The following FGGY variants were observed in gnomAD, a reference collection of about 807,000 sequenced individuals.
FGGY encodes FGGY carbohydrate kinase domain-containing protein.
Under a neutral mutation model 71.3 loss-of-function variants are expected in FGGY, and 72 were observed. The ratio of observed to expected loss-of-function variants is 1.01; its 90% CI spans 0.84 to 1.23. The LOEUF (loss-of-function observed/expected upper bound fraction) is 1.23, where lower values mean the gene tolerates loss of function less well. FGGY is among the 50% of genes most tolerant of loss of function. The pLI is 0.00. For missense variants in FGGY, 668 were observed against 682.3 expected (o/e 0.98, Z 0.23); for synonymous variants, 251 against 250.3 (o/e 1.00, Z -0.02).
intron 5 of FGGY, among the ~76,000 whole-genome samples, chr1:59,386,902 C>T (rs2060135995): frequency 6.6e-6 from 1 of 152,068 alleles, no homozygotes; most frequent in South Asian, 2.1e-4. Flanking sequence ...ACATATTCTA[C>T]TTACTCATTT....
chr1:59,568,568 C>A (rs1297186919), intron 8 of FGGY, among the ~76,000 whole-genome samples: 1 of 151,906 alleles, frequency 6.6e-6, no homozygotes, highest in Non-Finnish European at 1.5e-5. Flanking sequence ...TGAGGTTGAA[C>A]CAAAAAGTAT....
At chr1:59,427,444 T>A (rs193101806) in intron 5 of FGGY, among the ~76,000 whole-genome samples, 8 of 152,176 alleles carry the variant, frequency 5.3e-5, no homozygotes, top group Admixed American at 5.2e-4. Flanking sequence ...TAAGAGTTGG[T>A]TACCTTGCCG....
chr1:59,502,689 G>A (rs983924871), intron 6 of FGGY, among the ~76,000 whole-genome samples: 1 of 152,164 alleles, frequency 6.6e-6, no homozygotes, highest in African/African-American at 2.4e-5. Context: ...CGTGGAAGAA[G>A]CCTTCCTTGA....
chr1:59,456,163 C>T (rs1432907641), intron 5 of FGGY, among the ~76,000 whole-genome samples: 1 of 152,166 alleles, frequency 6.6e-6, no homozygotes, highest in Non-Finnish European at 1.5e-5. Context: ...ACCAATCTTG[C>T]CCTTAGCCAC....
chr1:59,609,808 G>T (rs1254739542), intron 9 of FGGY, among the ~76,000 whole-genome samples: 2 of 152,304 alleles, frequency 1.3e-5, no homozygotes, highest in East Asian at 3.9e-4. Flanking sequence ...TGGGTAGATG[G>T]ATTCAAAGGG....
chr1:59,698,960 C>G, intron 14 of FGGY: 1 of 985,288 alleles, frequency 1.0e-6, no homozygotes, highest in Non-Finnish European at 1.2e-6. Context: ...CCCCATTAAT[C>G]AAGCTGCCAA....
At chr1:59,313,237 A>G (rs2044701904) in intron 1 of FGGY, among the ~76,000 whole-genome samples, 1 of 152,122 alleles carries the variant, frequency 6.6e-6, no homozygotes, top group South Asian at 2.1e-4. Context: ...TCATCTCCCA[A>G]AGGTCCCACT....
rs945301840 is a variant in FGGY, at chr1:59,570,104, G to A, written c.903+15877G>A. On this transcript the variant is annotated intron_variant, in intron 8 of 15. Transcript: ENST00000303721. ...GTGCACAAAATATACCTGGGTAACT[G>A]TTTTAAAAATGCAATTCCTCAGGCC... Among the ~76,000 whole-genome samples the A allele has an allele frequency of 3.9e-5, 6 of 152,244 alleles. No homozygotes were observed. In the South Asian group the frequency reaches 6.2e-4, roughly 16 times the overall value.
intron 7 of FGGY, among the ~76,000 whole-genome samples, chr1:59,522,068 T>C (rs2094848802): frequency 6.6e-6 from 1 of 152,240 alleles, no homozygotes; most frequent in African/African-American, 2.4e-5. Context: ...ACCTATGCTG[T>C]GCCAAGTGTT....
At chr1:59,471,564 C>T (rs1439787145) in intron 6 of FGGY, among the ~76,000 whole-genome samples, 1 of 152,176 alleles carries the variant, frequency 6.6e-6, no homozygotes, top group African/African-American at 2.4e-5. Flanking sequence ...TACCTATCCT[C>T]TGAGTATTGA....
Position 59,339,969 on chromosome 1 carries a change from A to T in FGGY, c.213A>T (p.Gln71His). 2 of 1,609,308 alleles carry T rather than the reference A, an allele frequency of 1.2e-6. No homozygotes were observed. Among genetic ancestry groups the T allele is most frequent in the Non-Finnish European group, 1.7e-6 (2 of 1,176,422 alleles). ...ACCVVTKKVV[Q>H]GIDLNQIRGL... is the part of the protein sequence containing the mutation. ...TGTTTTTAAAACAGAAAGTTGTACA[A>T]GGGATTGATTTAAACCAAATTCGAG... The change falls in exon 3 of 16, where the codon CAA becomes CAT. Residue 71 changes from glutamine to histidine, a missense_variant. Gln to His is a conservative substitution (Grantham distance 24, BLOSUM62 0). This residue lies in a region of FGGY where 661 missense variants were observed against 661.6 expected (regional missense o/e 1.00). Transcript: ENST00000303721.
chr1:59,608,180 T>C (rs115914615), intron 9 of FGGY, among the ~76,000 whole-genome samples: 1 of 152,330 alleles, frequency 6.6e-6, no homozygotes, highest in African/African-American at 2.4e-5. Flanking sequence ...ATGAGAATGA[T>C]ATTCTACTTA....
intron 7 of FGGY, among the ~76,000 whole-genome samples, chr1:59,535,707 C>A (rs1324836985): frequency 6.7e-6 from 1 of 149,478 alleles, no homozygotes; most frequent in African/African-American, 2.5e-5. Flanking sequence ...TACATGGAAA[C>A]TGAACAACCT....
chr1:59,411,127 A>G (rs1413332553), intron 5 of FGGY, among the ~76,000 whole-genome samples: 2 of 152,202 alleles, frequency 1.3e-5, no homozygotes, highest in Admixed American at 6.5e-5. Context: ...CAATACATTT[A>G]CTAGTCATAT....
chr1:59,443,348 T>C (rs1220082316), intron 5 of FGGY, among the ~76,000 whole-genome samples: 1 of 152,158 alleles, frequency 6.6e-6, no homozygotes, highest in Non-Finnish European at 1.5e-5. Flanking sequence ...TTCAGTCTGC[T>C]CTCTTTCATC....
Position 59,564,126 on chromosome 1 carries a change from A to G in FGGY, c.903+9899A>G, listed in dbSNP as rs546392508. ...AGGCAGTACCATTCAGGATGTAGGC[A>G]TGGACAAAGACTTCATGACTAAAAC... On this transcript the variant is annotated intron_variant, in intron 8 of 15. Coordinates refer to ENST00000303721, the MANE Select transcript of FGGY (RefSeq NM_018291.5). Among the ~76,000 whole-genome samples the G allele has an allele frequency of 2.6e-5, 4 of 152,352 alleles. 1 individual carries two copies. In the South Asian group the frequency reaches 8.3e-4, roughly 32 times the overall value.
At chr1:59,308,781 A>G (rs1445282369) in intron 1 of FGGY, among the ~76,000 whole-genome samples, 7 of 152,228 alleles carry the variant, frequency 4.6e-5, no homozygotes, top group Non-Finnish European at 1.0e-4. Flanking sequence ...TATTGCATGA[A>G]GAAAATAGAG....
intron 14 of FGGY, among the ~76,000 whole-genome samples, chr1:59,734,660 G>A (rs541842666): frequency 3.0e-4 from 46 of 152,368 alleles, no homozygotes; most frequent in Non-Finnish European, 4.0e-4. Flanking sequence ...CCTAACATGA[G>A]GTGATTGAGG....
At chr1:59,539,630 T>C (rs2095408625) in intron 7 of FGGY, among the ~76,000 whole-genome samples, 1 of 152,178 alleles carries the variant, frequency 6.6e-6, no homozygotes, top group South Asian at 2.1e-4. Context: ...AAAACTTAAG[T>C]ATGAAATTTA....
Sources: allele counts gnomAD v4.1 joint callset (sites outside exome capture counted in the v4.1 genomes callset), GRCh38; gene constraint gnomAD v4.1.1; regional missense constraint gnomAD v4.1.1; transcripts MANE v1.5; gene names NCBI Gene and HGNC (gene_info 2026-07-23, HGNC 2026-07-21).